TENM2: variants seen among roughly 807,000 people sequenced by gnomAD.
TENM2 encodes teneurin transmembrane protein 2.
Under a neutral mutation model 245.2 loss-of-function variants are expected in TENM2, and 52 were observed. That is an observed-to-expected ratio of 0.21 (90% CI 0.17 to 0.27). TENM2 has a LOEUF of 0.27. Among genes scored for constraint, TENM2 ranks in the 10% least tolerant of loss-of-function variants. The pLI, the probability that TENM2 is intolerant of heterozygous loss-of-function variation, is 1.00. For missense variants in TENM2, 3,046 were observed against 3,666.8 expected, an observed-to-expected ratio of 0.83 and a Z score of 4.37; for synonymous variants, 1,363 against 1,438.9, an observed-to-expected ratio of 0.95 and a Z score of 1.19.
At chr5:167,008,979 G>A in the TENM2 span, among the ~76,000 whole-genome samples, 1 of 152,158 alleles carries the variant, frequency 6.6e-6, no homozygotes, top group Non-Finnish European at 1.5e-5. Flanking sequence ...CGAGACATGA[G>A]AGGCAGAAAT....
chr5:167,440,142 T>A (rs1764798974), intron 2 of TENM2, among the ~76,000 whole-genome samples: 1 of 152,214 alleles, frequency 6.6e-6, no homozygotes, highest in Non-Finnish European at 1.5e-5. Context: ...GATCCAGTTT[T>A]AATGAGATAA....
At chr5:168,137,889 C>T (rs151038551) in intron 12 of TENM2, among the ~76,000 whole-genome samples, 30 of 152,296 alleles carry the variant, frequency 2.0e-4, no homozygotes, top group African/African-American at 6.5e-4. Context: ...TACAGACCTA[C>T]TCCCTGGAGG....
intron 2 of TENM2, among the ~76,000 whole-genome samples, chr5:167,600,533 A>G (rs1776565528): frequency 6.6e-6 from 1 of 152,148 alleles, no homozygotes; most frequent in South Asian, 2.1e-4. Context: ...TTACCTTATT[A>G]TGCTTCCTCC....
At chr5:168,050,060 C>A (rs891474262) in intron 6 of TENM2, among the ~76,000 whole-genome samples, 5 of 152,142 alleles carry the variant, frequency 3.3e-5, no homozygotes, top group Non-Finnish European at 7.3e-5. Context: ...ATCTCGGCCC[C>A]CCAAAGTGCT....
intron 2 of TENM2, among the ~76,000 whole-genome samples, chr5:167,567,861 G>A (rs1054115464): frequency 6.6e-5 from 10 of 151,636 alleles, no homozygotes; most frequent in Non-Finnish European, 1.3e-4. Context: ...CATAATTTCC[G>A]AATGACAGAA....
At chr5:167,229,740 T>C in the TENM2 span, among the ~76,000 whole-genome samples, 2 of 152,156 alleles carry the variant, frequency 1.3e-5, no homozygotes, top group African/African-American at 4.8e-5. Flanking sequence ...AGCTTGCAGG[T>C]TCACTGGTGG....
chr5:167,721,901 T>C (rs1055949543), intron 2 of TENM2, among the ~76,000 whole-genome samples: 1 of 152,184 alleles, frequency 6.6e-6, no homozygotes, highest in African/African-American at 2.4e-5. Context: ...AAAAACCTAT[T>C]TCAAAGTGTT....
At chr5:167,282,000 CAAAA>C (rs150534598), upstream of TENM2, among the ~76,000 whole-genome samples, 238 of 107,398 alleles carry the variant, frequency 2.2e-3, no homozygotes, top group African/African-American at 7.1e-3. Flanking sequence ...AACTCCATCT[CAAAA>C]AAAAAAAAAA....
At chr5:167,225,651 G>C in the TENM2 span, among the ~76,000 whole-genome samples, 8 of 151,958 alleles carry the variant, frequency 5.3e-5, no homozygotes, top group Middle Eastern at 3.4e-3. Context: ...TCTTGTCTGG[G>C]TTTGGTATCA....
intron 4 of TENM2, among the ~76,000 whole-genome samples, chr5:167,988,181 TC>T (rs1201462100): frequency 1.3e-5 from 2 of 152,188 alleles, no homozygotes; most frequent in Non-Finnish European, 2.9e-5. Flanking sequence ...CAAACAGGCA[TC>T]AACACGGCAG....
intron 3 of TENM2, among the ~76,000 whole-genome samples, chr5:167,892,255 A>G (rs1774820930): frequency 6.6e-6 from 1 of 152,244 alleles, no homozygotes; most frequent in Non-Finnish European, 1.5e-5. Flanking sequence ...TGTAGCACAT[A>G]GGTTCTTATA....
At chr5:167,658,763 T>C (rs967679670) in intron 2 of TENM2, among the ~76,000 whole-genome samples, 1 of 152,176 alleles carries the variant, frequency 6.6e-6, no homozygotes, top group South Asian at 2.1e-4. Flanking sequence ...GAAGGACTAA[T>C]GTTTGGAATG....
chr5:167,792,507 G>A (rs1035914100), intron 2 of TENM2, among the ~76,000 whole-genome samples: 1 of 151,968 alleles, frequency 6.6e-6, no homozygotes, highest in African/African-American at 2.4e-5. Context: ...ATCGTCACGT[G>A]TGGCTCCAGA....
chr5:167,227,636 T>A, the TENM2 span, among the ~76,000 whole-genome samples: 1 of 152,198 alleles, frequency 6.6e-6, no homozygotes, highest in Non-Finnish European at 1.5e-5. Context: ...TTTGCTCTGA[T>A]GGGCGTTTCT....
At position 168,102,142 on chromosome 5, in the gene TENM2, C is replaced by T. The variant is rs574122786; in HGVS notation, c.1813+4015C>T. ...AGGCTGGAGTGTAATGGTGCAATCT[C>T]GGCTCACCGCAACCTCCGCCTCCTG... On this transcript the variant is annotated intron_variant, in intron 9 of 28. Transcript: ENST00000518659. Among the ~76,000 whole-genome samples, 17 of 152,192 alleles carry T rather than the reference C, an allele frequency of 1.1e-4. No homozygotes were observed. The East Asian group carries it at 3.1e-3, about 28-fold the overall frequency.
chr5:167,618,405 C>T (rs1005437799), intron 2 of TENM2, among the ~76,000 whole-genome samples: 4 of 151,990 alleles, frequency 2.6e-5, no homozygotes, highest in Admixed American at 6.6e-5. Flanking sequence ...TTATCAACAC[C>T]GGAGATGCAT....
chr5:167,803,003 G>A (rs1027131906), intron 2 of TENM2, among the ~76,000 whole-genome samples: 1 of 152,138 alleles, frequency 6.6e-6, no homozygotes, highest in African/African-American at 2.4e-5. Context: ...CTGACTTCAG[G>A]TAGATACCAG....
intron 9 of TENM2, among the ~76,000 whole-genome samples, chr5:168,115,711 GC>G (rs1220596819): frequency 2.6e-5 from 4 of 152,170 alleles, no homozygotes; most frequent in African/African-American, 9.7e-5. Flanking sequence ...CTGGAAGGGG[GC>G]TGAGAAGTGA....
chr5:167,982,218 C>T (rs943029785), intron 4 of TENM2, among the ~76,000 whole-genome samples: 6 of 152,244 alleles, frequency 3.9e-5, no homozygotes, highest in Non-Finnish European at 7.4e-5. Context: ...CAGACTTCTC[C>T]TCAATCCCAT....
Sources: gnomAD v4.1 joint callset for allele counts (sites outside exome capture counted in the v4.1 genomes callset) on GRCh38, gnomAD v4.1.1 for gene constraint, MANE v1.5 for transcripts, NCBI Gene and HGNC (gene_info 2026-07-23, HGNC 2026-07-21) for gene names.